The following KLHL1 variants were observed in gnomAD, a reference collection of about 807,000 sequenced individuals.
KLHL1 encodes the protein kelch like family member 1.
A neutral mutation model predicts 77.7 loss-of-function variants in KLHL1; 47 were observed. The observed-to-expected ratio is 0.60, with a 90% CI of 0.48 to 0.77. The LOEUF is 0.77. KLHL1 is among the 30% of genes least tolerant of loss of function. KLHL1 has a pLI of 0.00. For missense variants in KLHL1, 925 were observed against 910.8 expected (o/e 1.02, Z -0.20); for synonymous variants, 360 against 325.2 (o/e 1.11, Z -1.15).
At chr13:69,823,574 G>A (rs902884920) in intron 6 of KLHL1, among the ~76,000 whole-genome samples, 25 of 151,964 alleles carry the variant, frequency 1.6e-4, no homozygotes, top group Non-Finnish European at 2.6e-4. Flanking sequence ...TAAATCTAGT[G>A]TGGAAATTTA....
chr13:69,992,531 C>A (rs1885052327), intron 1 of KLHL1, among the ~76,000 whole-genome samples: 1 of 151,988 alleles, frequency 6.6e-6, no homozygotes, highest in African/African-American at 2.4e-5. Context: ...GATGTTACTA[C>A]AATCTACTTT....
At chr13:70,071,559 A>G (rs1296206181) in intron 1 of KLHL1, among the ~76,000 whole-genome samples, 1 of 152,062 alleles carries the variant, frequency 6.6e-6, no homozygotes, top group Admixed American at 6.6e-5. Flanking sequence ...TCACCAAGAC[A>G]CATCACATTG....
chr13:70,002,509 C>A lies in KLHL1; in HGVS notation c.498-26707G>T, dbSNP rs116951090. ...GTTTTGTCATTGTAGTCCCAGGAGG[C>A]AAGGTGAGAGGGAAGGGGACAGAGA... On this transcript the variant is annotated intron_variant, in intron 1 of 10. Transcript: ENST00000377844. 1.1e-4 allele frequency among the ~76,000 whole-genome samples: 16 copies of A among 150,908 alleles called. No homozygotes were observed. The East Asian group carries it at 3.1e-3, about 29-fold the overall frequency.
intron 1 of KLHL1, among the ~76,000 whole-genome samples, chr13:70,040,199 GT>G (rs1886341651): frequency 6.6e-6 from 1 of 152,104 alleles, no homozygotes; most frequent in Admixed American, 6.5e-5. Context: ...TCAATGGAAT[GT>G]TTTTACTTAC....
At position 69,719,400 on chromosome 13, in the gene KLHL1, G is replaced by A; in HGVS notation, c.1984C>T (p.His662Tyr). 6.2e-7 allele frequency: 1 copy of A among 1,613,452 alleles called. No homozygotes were observed. Among genetic ancestry groups the A allele is most frequent in the Non-Finnish European group, 8.5e-7 (1 of 1,179,676 alleles). Residue 662 changes from histidine (H) to tyrosine (Y), a missense_variant, in exon 9 of 11, where the codon CAC (histidine) becomes TAC (tyrosine). His to Tyr is a moderately conservative substitution (Grantham distance 83). Coordinates refer to ENST00000377844, the MANE Select transcript of KLHL1 (RefSeq NM_020866.3). ...VGGHDAPASNHCSRLLDYVER... is the reference protein window; with the variant it reads ...VGGHDAPASNYCSRLLDYVER... ...ACATAATCCAGTAGCCGGGAACAGTGATTTGAAGCAGGAGCATCATGACCT... is the reference window on the plus strand; with the variant it reads ...ACATAATCCAGTAGCCGGGAACAGTAATTTGAAGCAGGAGCATCATGACCT...
chr13:69,936,472 C>T (rs1883190929), intron 4 of KLHL1, among the ~76,000 whole-genome samples: 1 of 151,602 alleles, frequency 6.6e-6, no homozygotes, highest in Admixed American at 6.6e-5. Context: ...GCCTGTAGTC[C>T]CAGTTACTTG....
chr13:70,031,453 A>C (rs1440997327), intron 1 of KLHL1, among the ~76,000 whole-genome samples: 1 of 152,218 alleles, frequency 6.6e-6, no homozygotes, highest in African/African-American at 2.4e-5. Context: ...AGTTACTCAA[A>C]ATTTACATTA....
At chr13:69,874,457 G>A (rs1276351410) in intron 5 of KLHL1, among the ~76,000 whole-genome samples, 2 of 152,058 alleles carry the variant, frequency 1.3e-5, no homozygotes, top group Admixed American at 6.6e-5. Context: ...AAATATTAAA[G>A]TAGTTTAATT....
intron 1 of KLHL1, among the ~76,000 whole-genome samples, chr13:70,085,121 G>A (rs918909480): frequency 3.3e-5 from 5 of 152,080 alleles, no homozygotes; most frequent in Non-Finnish European, 7.4e-5. Context: ...ATGGATATAT[G>A]TATGTGCATG....
chr13:70,021,869 G>C (rs1046499128), intron 1 of KLHL1, among the ~76,000 whole-genome samples: 2 of 151,804 alleles, frequency 1.3e-5, no homozygotes, highest in Admixed American at 6.6e-5. Flanking sequence ...GAGCTTTAAG[G>C]GTTCTTTGTA....
At chr13:69,878,058 T>C (rs1001874337) in intron 5 of KLHL1, among the ~76,000 whole-genome samples, 6 of 152,132 alleles carry the variant, frequency 3.9e-5, no homozygotes, top group Non-Finnish European at 8.8e-5. Context: ...TAAAGCTAAA[T>C]TAATTTTTGG....
chr13:69,872,796 C>A (rs1880631707), intron 5 of KLHL1, among the ~76,000 whole-genome samples: 1 of 152,070 alleles, frequency 6.6e-6, no homozygotes, highest in African/African-American at 2.4e-5. Context: ...TTTTTAACAA[C>A]CGGCTCTTGT....
chr13:69,767,547 T>C (rs1187980563), intron 7 of KLHL1, among the ~76,000 whole-genome samples: 4 of 152,026 alleles, frequency 2.6e-5, no homozygotes, highest in South Asian at 2.1e-4. Context: ...AATAAAACTT[T>C]TAAAAACAGT....
intron 1 of KLHL1, among the ~76,000 whole-genome samples, chr13:70,059,076 A>G (rs186949956): frequency 3.7e-4 from 56 of 151,860 alleles, no homozygotes; most frequent in Middle Eastern, 3.4e-3. Flanking sequence ...TGGATCAAAT[A>G]CTAAAACCTC....
intron 2 of KLHL1, among the ~76,000 whole-genome samples, chr13:69,973,434 C>T (rs1884452994): frequency 6.6e-6 from 1 of 151,522 alleles, no homozygotes; most frequent in Admixed American, 6.6e-5. Flanking sequence ...ACTGAAAGAG[C>T]TATAAATCTT....
At chr13:69,705,821 G>T (rs944472612) in intron 10 of KLHL1, among the ~76,000 whole-genome samples, 1 of 151,398 alleles carries the variant, frequency 6.6e-6, no homozygotes, top group African/African-American at 2.4e-5. Flanking sequence ...TGATCTTTAG[G>T]AGTCTTTTAC....
chr13:69,974,919 A>G lies in KLHL1; in HGVS notation c.680+701T>C, dbSNP rs1397258284. On this transcript the variant is annotated intron_variant, in intron 2 of 10. Transcript: ENST00000377844. ...TCAATAATATAAAAATGCTTTCAAT[A>G]GTTAGCTGACAGATTGAACTCTAAA... Among the ~76,000 whole-genome samples the G allele has an allele frequency of 2.6e-5, 4 of 152,188 alleles. No homozygotes were observed. In the East Asian group the frequency reaches 7.7e-4, roughly 29 times the overall value.
intron 8 of KLHL1, among the ~76,000 whole-genome samples, chr13:69,739,874 A>AT (rs1873912830): frequency 6.6e-6 from 1 of 152,078 alleles, no homozygotes; most frequent in Non-Finnish European, 1.5e-5. Context: ...ATCTGGAGAT[A>AT]TTTTTGCGTG....
Position 69,760,319 on chromosome 13 carries a change from T to C in KLHL1, c.1640-19763A>G, listed in dbSNP as rs79500197. On this transcript the variant is annotated intron_variant, in intron 7 of 10. Coordinates refer to ENST00000377844, the MANE Select transcript of KLHL1 (RefSeq NM_020866.3). ...AATTATTTTCATCTTTGGGGCAGGA[T>C]AGTAACTAAACCAAAAGGTTAGGAT... 9.9e-3 allele frequency among the ~76,000 whole-genome samples: 1,499 copies of C among 151,934 alleles called. 30 individuals are homozygous for C. The highest frequency in any genetic ancestry group is 0.034 in the African/African-American group (1,427 of 41,462).
Sources: allele counts gnomAD v4.1 joint callset (sites outside exome capture counted in the v4.1 genomes callset), GRCh38; gene constraint gnomAD v4.1.1; transcripts MANE v1.5; gene names NCBI Gene and HGNC (gene_info 2026-07-23, HGNC 2026-07-21).